RPP30: variants seen among roughly 807,000 people sequenced by gnomAD.
RPP30 encodes the protein ribonuclease P/MRP subunit p30, also known as ribonuclease P protein subunit p30.
Under a neutral mutation model 38.6 loss-of-function variants are expected in RPP30, and 36 were observed. The observed-to-expected ratio is 0.93, with a 90% CI of 0.71 to 1.23. The LOEUF (loss-of-function observed/expected upper bound fraction) is 1.23. Among genes scored for constraint, RPP30 ranks in the 50% most tolerant of loss-of-function variants. The probability of loss-of-function intolerance (pLI) is 0.00; values close to 1 mark genes in which losing one functional copy is unlikely to be tolerated. For synonymous variants in RPP30, 126 were observed against 112.7 expected, an observed-to-expected ratio of 1.12 and a Z score of -0.75; for missense variants, 321 against 321.7, an observed-to-expected ratio of 1.00 and a Z score of 0.02.
intron 10 of RPP30, among the ~76,000 whole-genome samples, chr10:90,899,438 C>T (rs1847177265): frequency 6.6e-6 from 1 of 152,140 alleles, no homozygotes; most frequent in Admixed American, 6.5e-5. Flanking sequence ...AGCTAAATTT[C>T]TGTTCAAGTT....
At chr10:90,904,657 A>C (rs962098458), downstream of RPP30, among the ~76,000 whole-genome samples, 3 of 152,150 alleles carry the variant, frequency 2.0e-5, no homozygotes, top group Admixed American at 2.0e-4. Flanking sequence ...TACTAAAAAT[A>C]CAAAATCAGC....
intron 6 of RPP30, among the ~76,000 whole-genome samples, chr10:90,894,097 C>T: frequency 6.6e-6 from 1 of 152,090 alleles, no homozygotes; most frequent in East Asian, 1.9e-4. Flanking sequence ...TGCTGTGCGG[C>T]TATAAGCCCA....
downstream of RPP30, chr10:90,903,129 G>T: frequency 1.2e-6 from 1 of 847,946 alleles, no homozygotes; most frequent in South Asian, 1.4e-5. Context: ...ATTTGGGGGT[G>T]ATCAGTAAAA....
At chr10:90,906,136 G>C (rs1847252586), downstream of RPP30, 1 of 152,182 alleles carries the variant, frequency 6.6e-6, no homozygotes, top group Non-Finnish European at 1.5e-5. Context: ...GTGTTCAAGA[G>C]GAGGGGGAAG....
rs11544145 is a variant in RPP30 at position 90,872,021 on chromosome 10, G to A, written c.35G>A (p.Gly12Asp). ...TTTGCAGATTTGGACCTGCGAGCGG[G>A]TTCTGACCTGAAGGCTCTGCGCGGA... ...AVFADLDLRAGSDLKALRGLV... is the reference protein window; with the variant it reads ...AVFADLDLRADSDLKALRGLV... Residue 12 changes from glycine (G) to aspartate (D), a missense_variant, in exon 1 of 11, where the codon GGT becomes GAT. Coordinates refer to ENST00000371703, the MANE Select transcript of RPP30 (RefSeq NM_006413.5). 0.022 allele frequency: 36,014 copies of A among 1,614,134 alleles called. 530 individuals are homozygous for A. The highest frequency in any genetic ancestry group is 0.05 in the Middle Eastern group (306 of 6,062).
At chr10:90,889,850 C>T (rs1847052502) in intron 6 of RPP30, among the ~76,000 whole-genome samples, 1 of 152,160 alleles carries the variant, frequency 6.6e-6, no homozygotes, top group Non-Finnish European at 1.5e-5. Context: ...GCAATTTCCT[C>T]TAAAATCTCC....
At chr10:90,880,808 A>C (rs923192966) in intron 5 of RPP30, among the ~76,000 whole-genome samples, 2 of 148,156 alleles carry the variant, frequency 1.3e-5, no homozygotes, top group African/African-American at 5.2e-5. Flanking sequence ...ATTTTTAGTC[A>C]TAAAAGACAC....
downstream of RPP30, among the ~76,000 whole-genome samples, chr10:90,904,198 G>T (rs1342760854): frequency 6.6e-6 from 1 of 152,182 alleles, no homozygotes; most frequent in African/African-American, 2.4e-5. Flanking sequence ...ATTCAGAACA[G>T]TGAAAAGAGC....
At chr10:90,873,973 A>G (rs1846817583) in intron 1 of RPP30, among the ~76,000 whole-genome samples, 1 of 152,204 alleles carries the variant, frequency 6.6e-6, no homozygotes, top group Non-Finnish European at 1.5e-5. Flanking sequence ...TCGTTCTCCA[A>G]CAGACTAGGC....
At position 90,875,960 on chromosome 10, in the gene RPP30, T is replaced by C. The variant is rs868008440; in HGVS notation, c.196-64T>C. 11 of 954,160 alleles carry C rather than the reference T, an allele frequency of 1.2e-5. 1 individual carries two copies. In the South Asian group the frequency reaches 1.4e-4, roughly 12 times the overall value. The allele number at this position is 954,160 out of a possible 1,614,324, so 59.1% of individuals were successfully genotyped here. A position where few individuals can be genotyped will look rare whatever the true frequency, so the allele number is the denominator to read the frequency against. ...GTACCTTTTAATGAATACTTTCCAC[T>C]GGTAAAAAGGAAAATCAATTATTGT... On this transcript the variant is annotated intron_variant, in intron 3 of 10. Transcript: ENST00000371703.
chr10:90,901,720 TAAG>T lies in RPP30; in HGVS notation c.*1042_*1044del, dbSNP rs1368871942. ...TACATGCATTTATGCAATATTAATG[TAAG>T]GGCTCTAAAACAATGGAGTAGAGCC... On this transcript the variant is annotated 3_prime_UTR_variant, in exon 11 of 11. Transcript: ENST00000371703. The T allele has an allele frequency of 1.0e-6, 1 of 983,612 alleles. No homozygotes were observed. The highest frequency in any genetic ancestry group is 1.7e-5 in the African/African-American group (1 of 57,172). 60.9% of individuals were successfully genotyped at this position (983,612 alleles called of 1,614,324 possible). A position where few individuals can be genotyped will look rare whatever the true frequency, so the allele number is the denominator to read the frequency against.
Position 90,894,770 on chromosome 10 carries a change from T to G in RPP30, c.433-5T>G. The G allele has an allele frequency of 6.2e-7, 1 of 1,603,666 alleles. No homozygotes were observed. Among genetic ancestry groups the G allele is most frequent in the Non-Finnish European group, 8.5e-7 (1 of 1,171,076 alleles). ...CTCTGACAGTTCTCTTTATTTCCTG[T>G]GAAGGCGATTGACCGAGGCCTGGCT... On this transcript the variant is annotated splice_polypyrimidine_tract_variant and splice_region_variant and intron_variant, in intron 6 of 10. Coordinates refer to ENST00000371703, the MANE Select transcript of RPP30 (RefSeq NM_006413.5).
At chr10:90,875,767 T>A (rs1053202739) in intron 3 of RPP30, among the ~76,000 whole-genome samples, 153 bp downstream of exon 3, 4 of 152,224 alleles carry the variant, frequency 2.6e-5, no homozygotes, top group Non-Finnish European at 5.9e-5. Flanking sequence ...AACATTCTTT[T>A]ACTATCAATT....
At position 90,894,832 on chromosome 10, in the gene RPP30, A is replaced by G. The variant is rs201662404; in HGVS notation, c.490A>G (p.Thr164Ala). The G allele has an allele frequency of 4.0e-5, 64 of 1,613,642 alleles. No homozygotes were observed. The East Asian group carries it at 1.3e-3, about 33-fold the overall frequency. ...LVYSPAIKDS[T>A]MRRYTISSAL... Reference sequence around the variant, plus strand: ...CTATAGCCCTGCTATCAAAGACTCCACAATGAGAAGGTATACAATTTCCAG... The same window carrying G: ...CTATAGCCCTGCTATCAAAGACTCCGCAATGAGAAGGTATACAATTTCCAG... Residue 164 changes from threonine to alanine, a missense_variant, in exon 7 of 11, where the codon ACA becomes GCA. By Grantham distance (58) the Thr-to-Ala change is moderately conservative. Coordinates refer to ENST00000371703, the MANE Select transcript of RPP30 (RefSeq NM_006413.5).
chr10:90,885,786 C>A (rs773753858), intron 5 of RPP30, 26 bp from the exon 6 acceptor site: 1 of 1,527,902 alleles, frequency 6.5e-7, no homozygotes, highest in South Asian at 1.1e-5. Flanking sequence ...TCCTTTTGGC[C>A]TTACCTATTT....
downstream of RPP30, among the ~76,000 whole-genome samples, chr10:90,904,289 A>G (rs759250452): frequency 7.9e-5 from 12 of 152,336 alleles, no homozygotes; most frequent in Middle Eastern, 3.4e-3. Context: ...ATAATTGGTT[A>G]TCTATTTGGG....
intron 4 of RPP30, among the ~76,000 whole-genome samples, chr10:90,877,895 GT>G (rs1332319678): frequency 4.6e-5 from 7 of 152,152 alleles, no homozygotes; most frequent in Non-Finnish European, 8.8e-5. Flanking sequence ...AAGGTGAACT[GT>G]TTCATCTTTA....
downstream of RPP30, among the ~76,000 whole-genome samples, chr10:90,902,516 A>G (rs745976993): frequency 6.6e-6 from 1 of 152,202 alleles, no homozygotes; most frequent in Non-Finnish European, 1.5e-5. Context: ...ATGAGCCACC[A>G]TACCCGGCCT....
At chr10:90,883,610 T>C (rs951058219) in intron 5 of RPP30, among the ~76,000 whole-genome samples, 9 of 152,306 alleles carry the variant, frequency 5.9e-5, no homozygotes, top group Non-Finnish European at 5.9e-5. Context: ...TTATAATGCA[T>C]GTATTTGCAC....
Sources: allele counts gnomAD v4.1 joint callset (sites outside exome capture counted in the v4.1 genomes callset), GRCh38; gene constraint gnomAD v4.1.1; transcripts MANE v1.5; gene names NCBI Gene and HGNC (gene_info 2026-07-23, HGNC 2026-07-21).